Variants in PCDHGB6 observed in about 807,000 individuals in gnomAD.
The protein encoded by PCDHGB6 is protocadherin gamma-B6.
A neutral mutation model predicts 59.1 loss-of-function variants in PCDHGB6; 51 were observed. The ratio of observed to expected loss-of-function variants is 0.86; its 90% CI spans 0.69 to 1.09. The LOEUF (loss-of-function observed/expected upper bound fraction) is 1.09, where lower values mean the gene tolerates loss of function less well. PCDHGB6 is among the 50% of genes least tolerant of loss of function. PCDHGB6 has a pLI of 0.00. For synonymous variants in PCDHGB6, 466 were observed against 495.1 expected (o/e 0.94, Z 0.78); for missense variants, 1,148 against 1,205.1 (o/e 0.95, Z 0.70).
At chr5:141,430,551 C>T (rs2097292247) in intron 1 of PCDHGB6, 2 of 406,412 alleles carry the variant, frequency 4.9e-6, no homozygotes, top group Admixed American at 4.1e-5. Context: ...CCGCTGTTCA[C>T]CAATCGGGGA....
At chr5:141,421,651 A>G in intron 1 of PCDHGB6, 1 of 1,613,868 alleles carries the variant, frequency 6.2e-7, no homozygotes, top group Non-Finnish European at 8.5e-7. Flanking sequence ...AGTGGAGATA[A>G]AAGTCAGTGA....
intron 1 of PCDHGB6, among the ~76,000 whole-genome samples, chr5:141,463,205 A>T (rs2099054933): frequency 6.6e-6 from 1 of 152,080 alleles, no homozygotes; most frequent in Non-Finnish European, 1.5e-5. Context: ...AGACTTGGGG[A>T]TCCATATTAA....
At chr5:141,492,834 G>A (rs544218873) in intron 1 of PCDHGB6, among the ~76,000 whole-genome samples, 7 of 152,214 alleles carry the variant, frequency 4.6e-5, no homozygotes, top group African/African-American at 1.7e-4. Context: ...CCTTCCTCCC[G>A]CAGGAAGTGA....
chr5:141,413,803 G>A (rs1331029473), intron 1 of PCDHGB6: 3 of 1,613,142 alleles, frequency 1.9e-6, no homozygotes, highest in Non-Finnish European at 1.7e-6. Flanking sequence ...CGAGGAAGAG[G>A]CCATTCACCA....
rs771088007 is a variant in PCDHGB6 at position 141,423,000 on chromosome 5, G to T, written c.2418+12380G>T. On this transcript the variant is annotated intron_variant, in intron 1 of 3. Coordinates refer to ENST00000520790, the MANE Select transcript of PCDHGB6 (RefSeq NM_018926.3). ...CGGAACCTGGCTACCTGGTGACCAA[G>T]GTGGTTGCGGTGGACAAAGATTCAG... The T allele has an allele frequency of 2.5e-6, 4 of 1,614,116 alleles. No individual in the cohort carries two copies. The African/African-American group carries it at 5.3e-5, about 22-fold the overall frequency.
intron 1 of PCDHGB6, among the ~76,000 whole-genome samples, chr5:141,435,561 T>A (rs2154556722): frequency 6.6e-6 from 1 of 152,294 alleles, no homozygotes; most frequent in South Asian, 2.1e-4. Flanking sequence ...TGAGTGCTTT[T>A]TTTAGTACTG....
Position 141,485,486 on chromosome 5 carries a change from C to A in PCDHGB6, c.2419-9321C>A. On this transcript the variant is annotated intron_variant, in intron 1 of 3. Transcript: ENST00000520790. This position sits in a 1 kb window ranked among gnomAD's most constrained non-coding sequence, Gnocchi z 5.7. Reference sequence around the variant, plus strand: ...TGGGCTCAGTGCCAGCTGCATCGTGCCCCTGGAGTTTGTCACCGAAGGTCC... The same window carrying A: ...TGGGCTCAGTGCCAGCTGCATCGTGACCCTGGAGTTTGTCACCGAAGGTCC... 6.2e-7 allele frequency: 1 copy of A among 1,614,104 alleles called. No individual in the cohort carries two copies.
chr5:141,409,075 G>A lies in PCDHGB6; in HGVS notation c.873G>A (p.Met291Ile), dbSNP rs1416534881. ...GCACTGCCCAGAGCACAAAACATAT[G>A]TTCTCATTGGATGAGAAAACAGGTA... The part of the protein sequence containing the change: ...FRSTAQSTKH[M>I]FSLDEKTGMI... The change falls in exon 1 of 4, where the codon ATG becomes ATA. Residue 291 changes from methionine to isoleucine, a missense_variant. Met to Ile is a conservative substitution (Grantham distance 10, BLOSUM62 1). Transcript: ENST00000520790. 2 of 1,613,904 alleles carry A rather than the reference G, an allele frequency of 1.2e-6. No homozygotes were observed. Among genetic ancestry groups the A allele is most frequent in the East Asian group, 2.2e-5 (1 of 44,894 alleles).
chr5:141,484,549 G>A (rs939394402), intron 1 of PCDHGB6, among the ~76,000 whole-genome samples: 1 of 152,162 alleles, frequency 6.6e-6, no homozygotes, highest in African/African-American at 2.4e-5. Context: ...GTTCTAATTA[G>A]CAGTTGCTCC....
rs765809429 is a variant in PCDHGB6 at position 141,511,205 on chromosome 5, C to A, written c.*32C>A. On this transcript the variant is annotated 3_prime_UTR_variant, in exon 4 of 4. Coordinates refer to ENST00000520790, the MANE Select transcript of PCDHGB6 (RefSeq NM_018926.3). ...GGCCAGGCCAAGAGCCACAGGGCGGCCTCTCCCCAACCAGCCCAGCTTCTC... is the reference window on the plus strand; with the variant it reads ...GGCCAGGCCAAGAGCCACAGGGCGGACTCTCCCCAACCAGCCCAGCTTCTC... 4.3e-6 allele frequency: 7 copies of A among 1,611,426 alleles called. No homozygotes were observed. The Admixed American group carries it at 6.7e-5, about 15-fold the overall frequency.
At chr5:141,478,759 A>G in intron 1 of PCDHGB6, 2 of 1,514,800 alleles carry the variant, frequency 1.3e-6, no homozygotes, top group African/African-American at 1.4e-5. Flanking sequence ...GGGGGAAGAT[A>G]CTTGACTCAT....
In PCDHGB6 at chr5:141,431,463, C is replaced by T. The variant is rs139195027; in HGVS notation, c.2418+20843C>T. Reference sequence around the variant, plus strand: ...CGCATCCGCGTGATGGTTCTGGATGCGAACGACAACGCACCAGCGTTTGCT... The same window carrying T: ...CGCATCCGCGTGATGGTTCTGGATGTGAACGACAACGCACCAGCGTTTGCT... On this transcript the variant is annotated intron_variant, in intron 1 of 3. Transcript: ENST00000520790. The surrounding 1 kb of genome is among the most constrained non-coding windows in gnomAD (Gnocchi z 4.8). The T allele has an allele frequency of 3.5e-3, 5,640 of 1,613,740 alleles. 51 individuals are homozygous for T. Among genetic ancestry groups the T allele is most frequent in the South Asian group, 0.02 (1,825 of 91,088 alleles).
chr5:141,499,493 A>G (rs1322531312), intron 2 of PCDHGB6, among the ~76,000 whole-genome samples: 1 of 152,222 alleles, frequency 6.6e-6, no homozygotes, highest in African/African-American at 2.4e-5. Context: ...CTACAGTTTA[A>G]TATGAAACAT....
chr5:141,427,776 G>A (rs3828681), intron 1 of PCDHGB6: 73,622 of 1,424,156 alleles, frequency 0.052, 2,339 homozygotes, highest in African/African-American at 0.13. Flanking sequence ...GGAGCTGCGG[G>A]CACTGTCGTC....
intron 1 of PCDHGB6, chr5:141,479,399 T>C (rs2099494765): frequency 6.6e-6 from 1 of 152,576 alleles, no homozygotes; most frequent in African/African-American, 2.4e-5. Flanking sequence ...AGTTCTGGGC[T>C]GTGGTGCACT....
At position 141,410,052 on chromosome 5, in the gene PCDHGB6, T is replaced by C; in HGVS notation, c.1850T>C (p.Phe617Ser). 6.2e-7 allele frequency: 1 copy of C among 1,613,122 alleles called. No individual in the cohort carries two copies. Among genetic ancestry groups the C allele is most frequent in the Non-Finnish European group, 8.5e-7 (1 of 1,179,774 alleles). Residue 617 changes from phenylalanine (F) to serine (S), a missense_variant, in exon 1 of 4, where the codon TTC becomes TCC. This residue lies in a region of PCDHGB6 where 549 missense variants were observed against 527.5 expected (regional missense o/e 1.04). Coordinates refer to ENST00000520790, the MANE Select transcript of PCDHGB6 (RefSeq NM_018926.3). ...HVLQASEPGL[F>S]SLGLRTGEVR... ...CTGCAGGCCAGTGAGCCCGGACTCT[T>C]CAGCCTGGGGCTGCGCACTGGGGAG...
At position 141,432,374 on chromosome 5, in the gene PCDHGB6, C is replaced by G; in HGVS notation, c.2418+21754C>G. The G allele has an allele frequency of 6.2e-7, 1 of 1,614,240 alleles. No individual in the cohort carries two copies. The highest frequency in any genetic ancestry group is 1.1e-5 in the South Asian group (1 of 91,082). ...GAAAGTGATGGCGCGGGACAACGGG[C>G]ACCCGCCCCTCAGCAGCAACGTGTC... On this transcript the variant is annotated intron_variant, in intron 1 of 3. Transcript: ENST00000520790. The surrounding 1 kb of genome is among the most constrained non-coding windows in gnomAD (Gnocchi z 6.0).
intron 2 of PCDHGB6, among the ~76,000 whole-genome samples, chr5:141,497,126 C>T (rs565697662): frequency 8.2e-4 from 125 of 151,844 alleles, no homozygotes; most frequent in African/African-American, 3.0e-3. Flanking sequence ...GCAGAGGTTG[C>T]AGTGAGCTGA....
At position 141,409,681 on chromosome 5, in the gene PCDHGB6, G is replaced by A; in HGVS notation, c.1479G>A (p.Ala493=). The A allele has an allele frequency of 6.2e-7, 1 of 1,613,368 alleles. No individual in the cohort carries two copies. Among genetic ancestry groups the A allele is most frequent in the South Asian group, 1.1e-5 (1 of 91,080 alleles). The part of the protein sequence containing the change: ...LNGHISYSIV[A]SDLEPLAVSS... ...GCCACATCTCCTACTCTATAGTGGC[G>A]AGTGACCTAGAGCCCCTGGCGGTGT... is the stretch of plus-strand genomic sequence containing the variant. The change falls in exon 1 of 4, where the codon GCG becomes GCA. Residue 493 remains alanine (A), a synonymous_variant. Transcript: ENST00000520790.
Sources: allele counts gnomAD v4.1 joint callset (sites outside exome capture counted in the v4.1 genomes callset), GRCh38; gene constraint gnomAD v4.1.1; regional missense constraint gnomAD v4.1.1; non-coding constraint Gnocchi (gnomAD v3.1); transcripts MANE v1.5; gene names NCBI Gene and HGNC (gene_info 2026-07-23, HGNC 2026-07-21).